The following KCNC1 variants were observed in gnomAD, a reference collection of about 807,000 sequenced individuals.
KCNC1 encodes potassium voltage-gated channel subfamily C member 1.
KCNC1 carries 8 observed loss-of-function variants against 43.4 expected under a neutral mutation model. The observed-to-expected ratio is 0.18, with a 90% CI of 0.11 to 0.33. The LOEUF (loss-of-function observed/expected upper bound fraction) is 0.33. Ranked by LOEUF, KCNC1 falls within the 10% of genes least tolerant of loss-of-function variation. The pLI is 1.00. For missense variants in KCNC1, 420 were observed against 836.0 expected (o/e 0.50, Z 6.14); for synonymous variants, 361 against 360.5 (o/e 1.00, Z -0.01).
chr11:17,771,352 G>T lies in KCNC1; in HGVS notation c.571-313G>T, dbSNP rs930653163. The stretch of plus-strand genomic sequence containing the variant: ...CCCACTCAGGTAACAGTTCAATGTG[G>T]GTATGTGGCTGATGTCTTTCTTTTC... On this transcript the variant is annotated intron_variant, in intron 1 of 3. Coordinates refer to ENST00000265969, the MANE Select transcript of KCNC1 (RefSeq NM_001112741.2). This position sits in a 1 kb window ranked among gnomAD's most constrained non-coding sequence, Gnocchi z 4.7. Among the ~76,000 whole-genome samples, 1 of 152,206 alleles carries T rather than the reference G, an allele frequency of 6.6e-6. No individual in the cohort carries two copies. The highest frequency in any genetic ancestry group is 2.4e-5 in the African/African-American group (1 of 41,448).
At position 17,752,322 on chromosome 11, in the gene KCNC1, T is replaced by G. The variant is rs577799373; in HGVS notation, c.570+15750T>G. On this transcript the variant is annotated intron_variant, in intron 1 of 3. Transcript: ENST00000265969. ...CACCAAGCTGCACCCCCCACACATA[T>G]ACACTGGCCCGGCGATCTCCCTGGG... Among the ~76,000 whole-genome samples, 10 of 152,286 alleles carry G rather than the reference T, an allele frequency of 6.6e-5. No individual in the cohort carries two copies. The East Asian group carries it at 1.7e-3, about 26-fold the overall frequency.
chr11:17,741,744 A>G (rs757059545), intron 1 of KCNC1, among the ~76,000 whole-genome samples: 1 of 152,228 alleles, frequency 6.6e-6, no homozygotes, highest in South Asian at 2.1e-4. Flanking sequence ...GACTGTCTCC[A>G]TCGCTTACCA....
intron 1 of KCNC1, among the ~76,000 whole-genome samples, chr11:17,746,321 C>T (rs1237931249): frequency 6.6e-6 from 1 of 152,222 alleles, no homozygotes; most frequent in East Asian, 1.9e-4. Context: ...TCTGTCTTTT[C>T]GAACTTCTTC....
intron 1 of KCNC1, among the ~76,000 whole-genome samples, chr11:17,762,556 G>A (rs1018514635): frequency 1.1e-4 from 16 of 152,324 alleles, no homozygotes; most frequent in Admixed American, 7.2e-4. Context: ...CGGGTGTGAC[G>A]TCACGGTCCT....
intron 1 of KCNC1, among the ~76,000 whole-genome samples, chr11:17,737,882 C>T (rs1848787217): frequency 6.6e-6 from 1 of 152,048 alleles, no homozygotes; most frequent in Non-Finnish European, 1.5e-5. Context: ...TAGGAAGTTG[C>T]AGAGGAGAGT....
intron 2 of KCNC1, chr11:17,772,901 A>AG (rs1048008567): frequency 4.0e-6 from 5 of 1,242,944 alleles, no homozygotes; most frequent in African/African-American, 1.5e-5. Context: ...AGCAGGAGCC[A>AG]GGGGGGCTCT....
intron 1 of KCNC1, among the ~76,000 whole-genome samples, chr11:17,743,633 C>G (rs899558365): frequency 6.6e-6 from 1 of 152,230 alleles, no homozygotes; most frequent in Admixed American, 6.5e-5. Flanking sequence ...TTGTGCAGGG[C>G]GGCACATGGT....
rs557170227 is a variant in KCNC1, at chr11:17,779,676, G to T, written c.1693+32G>T. The T allele has an allele frequency of 2.1e-6, 3 of 1,444,296 alleles. No homozygotes were observed. Among genetic ancestry groups the T allele is most frequent in the Non-Finnish European group, 2.7e-6 (3 of 1,092,552 alleles). 89.5% of individuals were successfully genotyped at this position (1,444,296 alleles called of 1,614,324 possible). A position where few individuals can be genotyped will look rare whatever the true frequency, so the allele number is the denominator to read the frequency against. On this transcript the variant is annotated intron_variant, in intron 3 of 3. Coordinates refer to ENST00000265969, the MANE Select transcript of KCNC1 (RefSeq NM_001112741.2). This position sits in a 1 kb window ranked among gnomAD's most constrained non-coding sequence, Gnocchi z 7.2. Reference sequence around the variant, plus strand: ...AGAGGAAGCTGGAGCACCGTGCATCGTCCGGGCCGCCTCGCGCTCCTGCAG... The same window carrying T: ...AGAGGAAGCTGGAGCACCGTGCATCTTCCGGGCCGCCTCGCGCTCCTGCAG...
intron 1 of KCNC1, among the ~76,000 whole-genome samples, chr11:17,741,162 G>C (rs1848836470): frequency 6.6e-6 from 1 of 151,890 alleles, no homozygotes; most frequent in African/African-American, 2.4e-5. Context: ...GTGCCCCCCT[G>C]CTTCCCATGA....
intron 1 of KCNC1, among the ~76,000 whole-genome samples, chr11:17,766,911 G>GAGTTGATCACCTGAGGTCAA (rs1849156639): frequency 6.7e-6 from 1 of 148,532 alleles, no homozygotes; most frequent in Non-Finnish European, 1.5e-5. Context: ...CCTGAGGTCA[G>GAGTTGATCACCTGAGGTCAA]GAGTTCAAGA....
At chr11:17,767,882 GGAAA>G in intron 1 of KCNC1, among the ~76,000 whole-genome samples, 1 of 152,356 alleles carries the variant, frequency 6.6e-6, no homozygotes, top group Admixed American at 6.5e-5. Flanking sequence ...GGCCCAGAGA[GGAAA>G]GAATCTAGAC....
chr11:17,744,999 G>A (rs1291314675), intron 1 of KCNC1, among the ~76,000 whole-genome samples: 1 of 152,082 alleles, frequency 6.6e-6, no homozygotes, highest in Non-Finnish European at 1.5e-5. Context: ...CATTCAAGGT[G>A]TGGCCCTCTG....
chr11:17,741,672 C>G (rs575482604), intron 1 of KCNC1, among the ~76,000 whole-genome samples: 40 of 152,342 alleles, frequency 2.6e-4, no homozygotes, highest in Non-Finnish European at 4.1e-4. Flanking sequence ...AGTGCTTCGC[C>G]AGCCCGTGGC....
intron 1 of KCNC1, among the ~76,000 whole-genome samples, chr11:17,738,155 A>G (rs1047084228): frequency 6.6e-6 from 1 of 152,106 alleles, no homozygotes; most frequent in African/African-American, 2.4e-5. Flanking sequence ...AGGCCAAGAA[A>G]GACTAGAACT....
chr11:17,735,696 TCTCCCTCC>T lies in KCNC1; in HGVS notation c.-304_-297del, dbSNP rs1322038012. The T allele has an allele frequency of 1.6e-5, 2 of 121,424 alleles. No homozygotes were observed. The allele number at this position is 121,424 out of a possible 1,614,324, so 7.5% of individuals were successfully genotyped here. A position where few individuals can be genotyped will look rare whatever the true frequency, so the allele number is the denominator to read the frequency against. On this transcript the variant is annotated 5_prime_UTR_variant, in exon 1 of 4. Transcript: ENST00000265969. The surrounding 1 kb of genome is among the most constrained non-coding windows in gnomAD (Gnocchi z 6.7). The stretch of plus-strand genomic sequence containing the variant: ...CCCTCACTCCCTCCCTCCCTCCCTT[TCTCCCTCC>T]CTTTCTCCCTCCCTTCTTTCCTCCT...
At chr11:17,764,803 C>T (rs933841713) in intron 1 of KCNC1, among the ~76,000 whole-genome samples, 9 of 152,172 alleles carry the variant, frequency 5.9e-5, no homozygotes, top group African/African-American at 1.9e-4. Context: ...ATCCCCCAGC[C>T]GGCCCAGCAC....
At chr11:17,740,343 A>C (rs1848823839) in intron 1 of KCNC1, among the ~76,000 whole-genome samples, 1 of 152,080 alleles carries the variant, frequency 6.6e-6, no homozygotes, top group Non-Finnish European at 1.5e-5. Flanking sequence ...GAGGCTATGA[A>C]GGGATTTCCT....
intron 1 of KCNC1, among the ~76,000 whole-genome samples, chr11:17,749,024 C>T (rs912106466): frequency 6.6e-6 from 1 of 152,118 alleles, no homozygotes; most frequent in South Asian, 2.1e-4. Flanking sequence ...CACAGGCCTC[C>T]GTGGTGCTCA....
intron 1 of KCNC1, among the ~76,000 whole-genome samples, chr11:17,764,368 C>T (rs1046882666): frequency 1.3e-5 from 2 of 151,730 alleles, no homozygotes; most frequent in Non-Finnish European, 2.9e-5. Flanking sequence ...CCATACATGT[C>T]CACACACACA....
Sources: allele counts gnomAD v4.1 joint callset (sites outside exome capture counted in the v4.1 genomes callset), GRCh38; gene constraint gnomAD v4.1.1; non-coding constraint Gnocchi (gnomAD v3.1); transcripts MANE v1.5; gene names NCBI Gene and HGNC (gene_info 2026-07-23, HGNC 2026-07-21).